Variants in USP34 observed in about 807,000 individuals in gnomAD.
The protein encoded by USP34 is ubiquitin carboxyl-terminal hydrolase 34.
USP34 carries 70 observed loss-of-function variants against 460.3 expected under a neutral mutation model. That is an observed-to-expected ratio of 0.15 (90% CI 0.13 to 0.19). The LOEUF (loss-of-function observed/expected upper bound fraction) is 0.19. USP34 is among the 10% of genes least tolerant of loss of function. USP34 has a pLI of 1.00. For synonymous variants in USP34, 1,647 were observed against 1,405.3 expected, an observed-to-expected ratio of 1.17 and a Z score of -3.85; for missense variants, 3,985 against 4,236.2, an observed-to-expected ratio of 0.94 and a Z score of 1.65.
intron 8 of USP34, among the ~76,000 whole-genome samples, chr2:61,372,000 A>G (rs551741522): frequency 1.8e-4 from 28 of 152,298 alleles, no homozygotes; most frequent in Non-Finnish European, 4.0e-4. Context: ...TCACCTCATG[A>G]TGCATTTCTC....
chr2:61,302,789 C>T (rs1435037776), intron 27 of USP34, among the ~76,000 whole-genome samples: 1 of 152,048 alleles, frequency 6.6e-6, no homozygotes, highest in African/African-American at 2.4e-5. Context: ...GAATTTTTCT[C>T]CCAGGACTTT....
intron 21 of USP34, among the ~76,000 whole-genome samples, chr2:61,323,750 T>C (rs1363770490): frequency 1.3e-5 from 2 of 152,238 alleles, no homozygotes; most frequent in African/African-American, 4.8e-5. Context: ...TAAATGTTCA[T>C]GGTATCTATG....
In USP34 at chr2:61,228,807, T is replaced by C. The variant is rs372562407; in HGVS notation, c.7368+20A>G. On this transcript the variant is annotated intron_variant, in intron 60 of 79. Coordinates refer to ENST00000398571, the MANE Select transcript of USP34 (RefSeq NM_014709.4). The stretch of plus-strand genomic sequence containing the variant: ...GAAAAAAGGTAGATAATCAAAAAAA[T>C]AGACAAGATATAGCCTCACCTCTTC... The C allele has an allele frequency of 1.4e-5, 23 of 1,588,278 alleles. No homozygotes were observed. The African/African-American group carries it at 1.9e-4, about 13-fold the overall frequency.
chr2:61,308,206 T>G (rs776312459), intron 27 of USP34, among the ~76,000 whole-genome samples: 47 of 152,040 alleles, frequency 3.1e-4, no homozygotes, highest in Non-Finnish European at 4.9e-4. Context: ...AATATTTACA[T>G]TGAATGCAAA....
intron 1 of USP34, among the ~76,000 whole-genome samples, chr2:61,429,425 C>T (rs1160559827): frequency 6.6e-6 from 1 of 152,068 alleles, no homozygotes; most frequent in Non-Finnish European, 1.5e-5. Context: ...CCAGCCTGGG[C>T]AACAGAGCGA....
chr2:61,470,254 C>G (rs1695908858), intron 1 of USP34, among the ~76,000 whole-genome samples: 1 of 152,176 alleles, frequency 6.6e-6, no homozygotes, highest in African/African-American at 2.4e-5. Flanking sequence ...AGAGGGCGGC[C>G]GGAGGATTTG....
intron 2 of USP34, among the ~76,000 whole-genome samples, chr2:61,412,399 T>A (rs1053720258): frequency 3.9e-5 from 6 of 152,090 alleles, no homozygotes; most frequent in Non-Finnish European, 8.8e-5. Flanking sequence ...CAGGGCATTT[T>A]TTGGCCAGGG....
intron 10 of USP34, among the ~76,000 whole-genome samples, chr2:61,355,432 T>C (rs1692073054): frequency 6.6e-6 from 1 of 152,184 alleles, no homozygotes; most frequent in South Asian, 2.1e-4. Flanking sequence ...AAGTTGCAAT[T>C]TGTGACAGTA....
At chr2:61,320,699 T>C (rs1251840854) in intron 21 of USP34, among the ~76,000 whole-genome samples, 2 of 151,970 alleles carry the variant, frequency 1.3e-5, no homozygotes. Flanking sequence ...ACATTGTCTT[T>C]ACAAAAAATT....
chr2:61,323,602 G>A (rs1315799076), intron 21 of USP34, among the ~76,000 whole-genome samples: 4 of 152,112 alleles, frequency 2.6e-5, no homozygotes, highest in East Asian at 1.9e-4. Flanking sequence ...AGGATCACTT[G>A]GAGGGCAGGT....
At chr2:61,439,560 CCA>C (rs1166746943) in intron 1 of USP34, among the ~76,000 whole-genome samples, 2 of 152,162 alleles carry the variant, frequency 1.3e-5, no homozygotes, top group African/African-American at 2.4e-5. Context: ...CAGTGAGCAC[CCA>C]CAGTCAGCCC....
Position 61,204,589 on chromosome 2 carries a change from T to A in USP34, c.9167A>T (p.Glu3056Val). 1 of 1,613,376 alleles carries A rather than the reference T, an allele frequency of 6.2e-7. No individual in the cohort carries two copies. Among genetic ancestry groups the A allele is most frequent in the Non-Finnish European group, 8.5e-7 (1 of 1,179,870 alleles). Residue 3056 changes from glutamate to valine, a missense_variant, in exon 73 of 80, where the codon GAA becomes GTA. Coordinates refer to ENST00000398571, the MANE Select transcript of USP34 (RefSeq NM_014709.4). ...LRNACIDVLK[E>V]LVLLSPHDFL... ...ATCATGGGGACTCAAAAGTACAAGT[T>A]CCTTGAGGACATCTGAAAATAAAAA...
At chr2:61,350,794 A>G in intron 10 of USP34, 101 bp from the exon 11 acceptor site, 2 of 1,256,876 alleles carry the variant, frequency 1.6e-6, no homozygotes, top group Non-Finnish European at 2.2e-6. Context: ...TGGCCAGTAC[A>G]CTAATATTTT....
intron 10 of USP34, among the ~76,000 whole-genome samples, chr2:61,366,910 A>G (rs1692458545): frequency 6.6e-6 from 1 of 152,106 alleles, no homozygotes; most frequent in African/African-American, 2.4e-5. Context: ...TTAGCCAAGC[A>G]TGGTGGTGTG....
chr2:61,368,971 C>T (rs576855475), intron 10 of USP34, among the ~76,000 whole-genome samples: 1 of 151,928 alleles, frequency 6.6e-6, no homozygotes, highest in East Asian at 1.9e-4. Context: ...ATAAAGAACT[C>T]CTACAAATAA....
chr2:61,356,980 T>C lies in USP34; in HGVS notation c.1252-6287A>G, dbSNP rs149841882. Among the ~76,000 whole-genome samples, 80 of 152,148 alleles carry C rather than the reference T, an allele frequency of 5.3e-4. No individual in the cohort carries two copies. In the East Asian group the frequency reaches 0.01, roughly 20 times the overall value. The stretch of plus-strand genomic sequence containing the variant: ...AAACATTATGAAAGAATGGAAGAAA[T>C]AGAGAAATAAAAAGTTCCACAATAA... On this transcript the variant is annotated intron_variant, in intron 10 of 79. Transcript: ENST00000398571.
rs138474837 is a variant in USP34, at chr2:61,463,100, G to A, written c.43+7550C>T. Among the ~76,000 whole-genome samples the A allele has an allele frequency of 5.6e-4, 85 of 152,198 alleles. 1 individual carries two copies. In the East Asian group the frequency reaches 0.016, roughly 29 times the overall value. ...AAAAGTTATGTTACTAATTGATTTCGTACCTATATACTCATAGTATCTAAA... is the reference window on the plus strand; with the variant it reads ...AAAAGTTATGTTACTAATTGATTTCATACCTATATACTCATAGTATCTAAA... On this transcript the variant is annotated intron_variant, in intron 1 of 79. Coordinates refer to ENST00000398571, the MANE Select transcript of USP34 (RefSeq NM_014709.4).
At chr2:61,421,186 TAGA>T (rs759995568) in intron 1 of USP34, among the ~76,000 whole-genome samples, 11 of 152,318 alleles carry the variant, frequency 7.2e-5, no homozygotes, top group South Asian at 2.1e-4. Flanking sequence ...TATAGGGTAC[TAGA>T]AGAAGAAGGC....
chr2:61,419,264 T>C (rs920586270), intron 2 of USP34, among the ~76,000 whole-genome samples: 1 of 151,764 alleles, frequency 6.6e-6, no homozygotes, highest in African/African-American at 2.4e-5. Flanking sequence ...CAAGTGATCC[T>C]CCACCTCAGC....
Sources: gnomAD v4.1 joint callset for allele counts (sites outside exome capture counted in the v4.1 genomes callset) on GRCh38, gnomAD v4.1.1 for gene constraint, MANE v1.5 for transcripts, NCBI Gene and HGNC (gene_info 2026-07-23, HGNC 2026-07-21) for gene names.